ERAP1: variants seen among roughly 807,000 people sequenced by gnomAD.
ERAP1 encodes the protein endoplasmic reticulum aminopeptidase 1.
In ERAP1, 86 loss-of-function variants were observed where a neutral mutation model predicts 103.7. That is an observed-to-expected ratio of 0.83 (90% CI 0.70 to 0.99). ERAP1 has a LOEUF of 0.99. Among genes scored for constraint, ERAP1 ranks in the 50% least tolerant of loss-of-function variants. The pLI, the probability that ERAP1 is intolerant of heterozygous loss-of-function variation, is 0.00. For missense variants in ERAP1, 1,009 were observed against 1,128.4 expected (o/e 0.89, Z 1.52); for synonymous variants, 398 against 402.4 (o/e 0.99, Z 0.13).
intron 17 of ERAP1, 66 bp from the exon 18 acceptor site, chr5:96,780,570 C>T: frequency 1.6e-6 from 2 of 1,225,448 alleles, no homozygotes; most frequent in South Asian, 1.2e-5. Context: ...ATTTTAAGGG[C>T]CTCCTATATA....
the ERAP1 span, among the ~76,000 whole-genome samples, chr5:96,892,955 C>G: frequency 6.6e-6 from 1 of 151,964 alleles, no homozygotes; most frequent in African/African-American, 2.4e-5. Flanking sequence ...GTTCAGTGTC[C>G]CCATCTATAA....
intron 16 of ERAP1, 46 bp downstream of exon 16, chr5:96,781,647 T>C: frequency 1.9e-6 from 3 of 1,612,748 alleles, no homozygotes; most frequent in Non-Finnish European, 2.5e-6. Context: ...TCTAATCTAA[T>C]CTAATTTCCC....
upstream of ERAP1, among the ~76,000 whole-genome samples, chr5:96,812,202 T>C (rs1261653703): frequency 2.0e-5 from 3 of 152,226 alleles, no homozygotes; most frequent in African/African-American, 4.8e-5. Flanking sequence ...AAATTATCTA[T>C]GACACACAAG....
chr5:96,926,100 T>A, the ERAP1 span, among the ~76,000 whole-genome samples: 1 of 152,036 alleles, frequency 6.6e-6, no homozygotes, highest in African/African-American at 2.4e-5. Context: ...TTAGTAGAGA[T>A]GGGGTTTCAC....
the ERAP1 span, among the ~76,000 whole-genome samples, chr5:96,820,210 C>T: frequency 2.0e-5 from 3 of 152,050 alleles, no homozygotes; most frequent in Non-Finnish European, 4.4e-5. Flanking sequence ...AAAATATATA[C>T]TCAAGTATAT....
chr5:96,785,423 T>G, intron 13 of ERAP1: 1 of 335,158 alleles, frequency 3.0e-6, no homozygotes, highest in South Asian at 2.5e-5. Context: ...AAAGACCCAG[T>G]GGTGGGAGAA....
the ERAP1 span, among the ~76,000 whole-genome samples, chr5:96,847,981 T>C: frequency 6.7e-6 from 1 of 148,644 alleles, no homozygotes; most frequent in South Asian, 2.2e-4. Context: ...CAGAAATAAA[T>C]AAATGAAATA....
chr5:96,862,185 T>A, the ERAP1 span, among the ~76,000 whole-genome samples: 1 of 152,234 alleles, frequency 6.6e-6, no homozygotes, highest in Non-Finnish European at 1.5e-5. Context: ...AGAGATGGGA[T>A]CTTCCTATGT....
chr5:96,817,437 GA>G, the ERAP1 span, among the ~76,000 whole-genome samples: 8 of 152,212 alleles, frequency 5.3e-5, no homozygotes, highest in East Asian at 1.5e-3. Flanking sequence ...TTATAAATAA[GA>G]AAAAGAAAAA....
At chr5:96,918,357 G>C in the ERAP1 span, 1 of 152,144 alleles carries the variant, frequency 6.6e-6, no homozygotes, top group South Asian at 2.1e-4. Context: ...ATTAGCCAAT[G>C]CATAAAATAT....
At chr5:96,842,001 CAGCTT>C in the ERAP1 span, among the ~76,000 whole-genome samples, 1 of 152,126 alleles carries the variant, frequency 6.6e-6, no homozygotes, top group Non-Finnish European at 1.5e-5. Context: ...TGTGTCCTCA[CAGCTT>C]AGCTCCCACT....
the ERAP1 span, among the ~76,000 whole-genome samples, chr5:96,915,194 A>G: frequency 6.6e-6 from 1 of 152,070 alleles, no homozygotes; most frequent in Non-Finnish European, 1.5e-5. Context: ...ATTTTAGTAC[A>G]GATAGGGTTT....
the ERAP1 span, among the ~76,000 whole-genome samples, chr5:96,898,321 A>G: frequency 8.5e-5 from 13 of 152,232 alleles, no homozygotes; most frequent in African/African-American, 3.1e-4. Context: ...TTATGGTCCA[A>G]CTGATGTGTG....
At chr5:96,768,303 C>T (rs945464781) in intron 19 of ERAP1, 14 of 408,936 alleles carry the variant, frequency 3.4e-5, no homozygotes, top group South Asian at 1.9e-4. Flanking sequence ...AGGCTGGTCT[C>T]GAGCTCTTGG....
rs749527869 is a variant in ERAP1 at position 96,801,016 on chromosome 5, G to A, written c.525-16C>T. 4 of 1,613,404 alleles carry A rather than the reference G, an allele frequency of 2.5e-6. No individual in the cohort carries two copies. The African/African-American group carries it at 4.0e-5, about 16-fold the overall frequency. The stretch of plus-strand genomic sequence containing the variant: ...TGCTAGTATCCTAAAATTAAGGCAA[G>A]TGAAATAAAAATTGAGCATGAAGCA... On this transcript the variant is annotated splice_polypyrimidine_tract_variant and intron_variant, in intron 2 of 18. Transcript: ENST00000443439.
Position 96,802,896 on chromosome 5 carries a change from G to A in ERAP1, c.524+507C>T, listed in dbSNP as rs537789032. ...TAACAGAGGGAGAAACTAGAATGAC[G>A]CAGGTGCTAGGCATGGAGTACCAGG... On this transcript the variant is annotated intron_variant, in intron 2 of 18. Transcript: ENST00000443439. Among the ~76,000 whole-genome samples the A allele has an allele frequency of 7.9e-5, 12 of 152,140 alleles. No homozygotes were observed. The South Asian group carries it at 2.3e-3, about 29-fold the overall frequency.
the ERAP1 span, among the ~76,000 whole-genome samples, chr5:96,910,504 T>G: frequency 1.3e-5 from 2 of 152,190 alleles, no homozygotes; most frequent in Admixed American, 6.5e-5. Context: ...TCTCTTCTTT[T>G]TGTTTCTGTT....
chr5:96,898,670 G>A, the ERAP1 span, among the ~76,000 whole-genome samples: 2 of 151,946 alleles, frequency 1.3e-5, no homozygotes, highest in Admixed American at 6.6e-5. Context: ...AATCCAGGAG[G>A]CGGAGTTGCA....
the ERAP1 span, among the ~76,000 whole-genome samples, chr5:96,927,211 C>A: frequency 6.6e-6 from 1 of 152,176 alleles, no homozygotes; most frequent in East Asian, 1.9e-4. Flanking sequence ...TGTTGCTTAA[C>A]CTTTTGGGGA....
Sources: allele counts gnomAD v4.1 joint callset (sites outside exome capture counted in the v4.1 genomes callset), GRCh38; gene constraint gnomAD v4.1.1; transcripts MANE v1.5; gene names NCBI Gene and HGNC (gene_info 2026-07-23, HGNC 2026-07-21).